The following BICD1 variants were observed in gnomAD, a reference collection of about 807,000 sequenced individuals.
The protein encoded by BICD1 is protein bicaudal D homolog 1.
A neutral mutation model predicts 92.5 loss-of-function variants in BICD1; 35 were observed. The observed-to-expected ratio is 0.38, with a 90% CI of 0.29 to 0.50. BICD1 has a LOEUF of 0.50. Ranked by LOEUF, BICD1 falls within the 20% of genes least tolerant of loss-of-function variation. BICD1 has a pLI of 0.93. For synonymous variants in BICD1, 429 were observed against 465.1 expected, an observed-to-expected ratio of 0.92 and a Z score of 1.00; for missense variants, 950 against 1,189.8, an observed-to-expected ratio of 0.80 and a Z score of 2.97.
chr12:32,248,158 A>G (rs1946438410), intron 2 of BICD1, among the ~76,000 whole-genome samples: 1 of 152,174 alleles, frequency 6.6e-6, no homozygotes, highest in Non-Finnish European at 1.5e-5. Flanking sequence ...AATCCTAGAG[A>G]AAAATGTCTT....
intron 8 of BICD1, chr12:32,353,186 G>A (rs1406135228): frequency 3.3e-5 from 5 of 152,016 alleles, no homozygotes. Flanking sequence ...AAATTTCTGT[G>A]AATCAAATAC....
At position 32,107,280 on chromosome 12, in the gene BICD1, G is replaced by T. The variant is rs182373326; in HGVS notation, c.-52G>T. ...CCTTCTCCCTTTCCCCGCCAGCTTC[G>T]CATCCATCTCCCCCACCCCGTAACC... On this transcript the variant is annotated 5_prime_UTR_variant, in exon 1 of 10. Coordinates refer to ENST00000652176, the MANE Select transcript of BICD1 (RefSeq NM_001714.4). 2.7e-6 allele frequency: 4 copies of T among 1,457,666 alleles called. No individual in the cohort carries two copies. Among genetic ancestry groups the T allele is most frequent in the South Asian group, 1.3e-5 (1 of 79,824 alleles). 90.3% of individuals were successfully genotyped at this position (1,457,666 alleles called of 1,614,324 possible). A position where few individuals can be genotyped will look rare whatever the true frequency, so the allele number is the denominator to read the frequency against.
At chr12:32,245,732 G>GT (rs1166794818) in intron 2 of BICD1, among the ~76,000 whole-genome samples, 2 of 152,014 alleles carry the variant, frequency 1.3e-5, no homozygotes, top group Non-Finnish European at 2.9e-5. Flanking sequence ...ATTAACCATA[G>GT]TTTAAGAAAA....
intron 1 of BICD1, among the ~76,000 whole-genome samples, chr12:32,186,829 T>G (rs921137606): frequency 6.6e-6 from 1 of 152,240 alleles, no homozygotes; most frequent in African/African-American, 2.4e-5. Context: ...TGGAAATGTT[T>G]GAGATCCTGG....
chr12:32,265,618 G>A (rs1438970632), intron 2 of BICD1, among the ~76,000 whole-genome samples: 2 of 151,220 alleles, frequency 1.3e-5, no homozygotes, highest in Non-Finnish European at 2.9e-5. Context: ...TTGGGAAGCT[G>A]AGGCAGGATG....
rs67517805 is a variant in BICD1 at position 32,147,963 on chromosome 12, A to ACC, written c.213+40424_213+40425dup. Among the ~76,000 whole-genome samples, 7 of 151,028 alleles carry ACC rather than the reference A, an allele frequency of 4.6e-5. No individual in the cohort carries two copies. The South Asian group carries it at 8.4e-4, about 18-fold the overall frequency. On this transcript the variant is annotated intron_variant, in intron 1 of 9. Transcript: ENST00000652176. ...AGGCCAGCCCTAGCAATATAGGGAG[A>ACC]CCCCCCATCTCTACAAAAAATAAGA...
In BICD1 at chr12:32,377,639, T is replaced by G; in HGVS notation, c.*12T>G. On this transcript the variant is annotated 3_prime_UTR_variant, in exon 10 of 10. Coordinates refer to ENST00000652176, the MANE Select transcript of BICD1 (RefSeq NM_001714.4). ...CTCCTCACCCCTAGTCTTCATCTCC[T>G]GTGGACGAACATCTGGGGTGGAAGT... is the stretch of plus-strand genomic sequence containing the variant. 1 of 1,605,106 alleles carries G rather than the reference T, an allele frequency of 6.2e-7. No homozygotes were observed. Among genetic ancestry groups the G allele is most frequent in the Non-Finnish European group, 8.5e-7 (1 of 1,171,870 alleles).
rs1947792772 is a variant in BICD1 at position 32,293,984 on chromosome 12, G to T, written c.427-10G>T. 1.9e-6 allele frequency: 3 copies of T among 1,611,180 alleles called. No homozygotes were observed. Among genetic ancestry groups the T allele is most frequent in the African/African-American group, 2.7e-5 (2 of 74,896 alleles). On this transcript the variant is annotated splice_polypyrimidine_tract_variant and intron_variant, in intron 2 of 9. Coordinates refer to ENST00000652176, the MANE Select transcript of BICD1 (RefSeq NM_001714.4). ...GAGTTATATATTGACTGTTTACTCT[G>T]TTGTTTCAGAACAATGAGATGGTGG...
chr12:32,166,046 C>T (rs1478677933), intron 1 of BICD1, among the ~76,000 whole-genome samples: 2 of 152,116 alleles, frequency 1.3e-5, no homozygotes, highest in Non-Finnish European at 2.9e-5. Context: ...AACTGCCATA[C>T]TTCTCAGTTC....
chr12:32,107,471 C>T lies in BICD1; in HGVS notation c.140C>T (p.Thr47Ile). ...CTGGTGGTGCTGGAGGAGAAGCTGA[C>T]CCTCAAACAGCAGTATGATGAACTG... ...YGLVVLEEKL[T>I]LKQQYDELEA... The change falls in exon 1 of 10, where the codon ACC becomes ATC. Residue 47 changes from threonine to isoleucine, a missense_variant. By Grantham distance (89) the Thr-to-Ile change is moderately conservative. Around this residue, in one of 5 missense-constraint regions of BICD1, gnomAD observed 202 missense variants for 205.3 expected, o/e 0.98. Coordinates refer to ENST00000652176, the MANE Select transcript of BICD1 (RefSeq NM_001714.4). 6.2e-7 allele frequency: 1 copy of T among 1,610,394 alleles called. No individual in the cohort carries two copies. Among genetic ancestry groups the T allele is most frequent in the Non-Finnish European group, 8.5e-7 (1 of 1,178,630 alleles).
In BICD1 at chr12:32,280,267, A is replaced by G. The variant is rs1592603476; in HGVS notation, c.427-13727A>G. Among the ~76,000 whole-genome samples, 5 of 152,340 alleles carry G rather than the reference A, an allele frequency of 3.3e-5. No homozygotes were observed. In the South Asian group the frequency reaches 1.0e-3, roughly 32 times the overall value. ...ATACAGATTAATAGAAGAGAAGCAT[A>G]CAAATTTTATTATAATTTTACTTGC... On this transcript the variant is annotated intron_variant, in intron 2 of 9. Transcript: ENST00000652176.
chr12:32,365,511 C>G (rs1414036077), intron 8 of BICD1, among the ~76,000 whole-genome samples: 1 of 152,178 alleles, frequency 6.6e-6, no homozygotes, highest in African/African-American at 2.4e-5. Flanking sequence ...TCTAGTTACT[C>G]TAATTCTAAG....
At chr12:32,125,322 G>A (rs192241852) in intron 1 of BICD1, among the ~76,000 whole-genome samples, 2 of 152,224 alleles carry the variant, frequency 1.3e-5, no homozygotes, top group East Asian at 3.9e-4. Flanking sequence ...ATATTCTCCT[G>A]CCCATTTGAT....
intron 5 of BICD1, among the ~76,000 whole-genome samples, chr12:32,330,092 C>A (rs1937774836): frequency 1.3e-5 from 2 of 152,092 alleles, no homozygotes; most frequent in Non-Finnish European, 2.9e-5. Context: ...CTGGGGAAAA[C>A]CACGCCCTTA....
At chr12:32,156,337 T>C (rs1014865004) in intron 1 of BICD1, among the ~76,000 whole-genome samples, 15 of 152,328 alleles carry the variant, frequency 9.8e-5, no homozygotes, top group African/African-American at 3.6e-4. Flanking sequence ...TGCCCTGCTT[T>C]GTCAGGGAGG....
At chr12:32,179,989 C>G (rs77736493) in intron 1 of BICD1, among the ~76,000 whole-genome samples, 1 of 122,216 alleles carries the variant, frequency 8.2e-6, no homozygotes, top group Non-Finnish European at 1.7e-5. Context: ...GACACGCTCT[C>G]AAAAAAAAAA....
chr12:32,239,138 T>A (rs1159602809), intron 2 of BICD1, among the ~76,000 whole-genome samples: 2 of 149,846 alleles, frequency 1.3e-5, no homozygotes, highest in Non-Finnish European at 3.0e-5. Context: ...TCCCAGCTAC[T>A]TGGGAGGCTG....
At chr12:32,277,980 C>T (rs1592599974) in intron 2 of BICD1, among the ~76,000 whole-genome samples, 1 of 152,290 alleles carries the variant, frequency 6.6e-6, no homozygotes, top group Non-Finnish European at 1.5e-5. Context: ...TAGTGTGTTC[C>T]CATGGTGATG....
rs141659419 is a variant in BICD1, at chr12:32,160,066, T to C, written c.213+52522T>C. On this transcript the variant is annotated intron_variant, in intron 1 of 9. Transcript: ENST00000652176. ...TAATAATATCCTGTTGTTGTGCCCTTAGATGACGCATATGGCATCTAACAC... is the reference window on the plus strand; with the variant it reads ...TAATAATATCCTGTTGTTGTGCCCTCAGATGACGCATATGGCATCTAACAC... Among the ~76,000 whole-genome samples the C allele has an allele frequency of 4.6e-4, 54 of 118,266 alleles. 1 individual carries two copies. Among genetic ancestry groups the C allele is most frequent in the African/African-American group, 1.3e-3 (48 of 36,414 alleles). 77.6% of individuals were successfully genotyped at this position (118,266 alleles called of 152,430 possible). A position where few individuals can be genotyped will look rare whatever the true frequency, so the allele number is the denominator to read the frequency against.
Sources: gnomAD v4.1 joint callset for allele counts (sites outside exome capture counted in the v4.1 genomes callset) on GRCh38, gnomAD v4.1.1 for gene constraint, gnomAD v4.1.1 regional missense constraint, MANE v1.5 for transcripts, NCBI Gene and HGNC (gene_info 2026-07-23, HGNC 2026-07-21) for gene names.